Variants in CSGALNACT1 observed in about 807,000 individuals in gnomAD.
CSGALNACT1 encodes the protein beta4GalNAcT-1.
A neutral mutation model predicts 51.0 loss-of-function variants in CSGALNACT1; 52 were observed. The ratio of observed to expected loss-of-function variants is 1.02; its 90% CI spans 0.82 to 1.29. The LOEUF is 1.29. CSGALNACT1 is among the 50% of genes most tolerant of loss of function. The pLI is 0.00. For missense variants in CSGALNACT1, 935 were observed against 679.2 expected, an observed-to-expected ratio of 1.38 and a Z score of -4.19; for synonymous variants, 341 against 254.4, an observed-to-expected ratio of 1.34 and a Z score of -3.24.
At chr8:19,752,337 G>C (rs1380692263) in intron 1 of CSGALNACT1, among the ~76,000 whole-genome samples, 1 of 151,996 alleles carries the variant, frequency 6.6e-6, no homozygotes, top group Non-Finnish European at 1.5e-5. Context: ...TGCCCTGCAG[G>C]AACTTCAGCC....
chr8:19,713,942 C>T (rs1298207016), intron 1 of CSGALNACT1, among the ~76,000 whole-genome samples: 3 of 152,206 alleles, frequency 2.0e-5, no homozygotes. Flanking sequence ...TTAGGAAATG[C>T]CTTTCTCTGA....
chr8:19,461,234 T>C (rs996590509), intron 4 of CSGALNACT1, among the ~76,000 whole-genome samples: 1 of 152,238 alleles, frequency 6.6e-6, no homozygotes, highest in Non-Finnish European at 1.5e-5. Context: ...AGGACTTCTT[T>C]GAAAACGTTA....
chr8:19,483,253 C>T lies in CSGALNACT1; in HGVS notation c.634+21948G>A, dbSNP rs561404253. On this transcript the variant is annotated intron_variant, in intron 4 of 9. Transcript: ENST00000454498. The stretch of plus-strand genomic sequence containing the variant: ...CAAAGCAATATTTCTAAATATAATT[C>T]TAATAATGTCACCCTTCTGTTTAAG... 1.2e-4 allele frequency among the ~76,000 whole-genome samples: 19 copies of T among 152,296 alleles called. No individual in the cohort carries two copies. In the South Asian group the frequency reaches 3.9e-3, roughly 32 times the overall value.
intron 1 of CSGALNACT1, among the ~76,000 whole-genome samples, chr8:19,658,829 C>G (rs1379536332): frequency 1.3e-5 from 2 of 152,202 alleles, no homozygotes; most frequent in African/African-American, 4.8e-5. Flanking sequence ...CAAGCTTCAA[C>G]TACTTTAAGG....
intron 3 of CSGALNACT1, among the ~76,000 whole-genome samples, chr8:19,541,246 ATTTTTTT>A (rs34749639): frequency 5.4e-5 from 6 of 111,298 alleles, no homozygotes; most frequent in African/African-American, 3.7e-5. Context: ...AACTTGGCTA[ATTTTTTT>A]TTTTTTTTTT....
chr8:19,584,379 C>A (rs751197471), intron 3 of CSGALNACT1, among the ~76,000 whole-genome samples: 2 of 151,920 alleles, frequency 1.3e-5, no homozygotes, highest in Non-Finnish European at 2.9e-5. Context: ...ATTAGAATGT[C>A]AAACTGGGCT....
chr8:19,432,819 T>C (rs1341710949), intron 6 of CSGALNACT1, among the ~76,000 whole-genome samples: 1 of 152,194 alleles, frequency 6.6e-6, no homozygotes, highest in Non-Finnish European at 1.5e-5. Context: ...CTGTATTTAG[T>C]ATAGCATGTT....
At chr8:19,550,716 G>A (rs1347511754) in intron 3 of CSGALNACT1, among the ~76,000 whole-genome samples, 1 of 151,952 alleles carries the variant, frequency 6.6e-6, no homozygotes, top group Non-Finnish European at 1.5e-5. Flanking sequence ...GGGGGGCAGG[G>A]GCCTTCAAAT....
chr8:19,430,869 T>G (rs2059554343), intron 6 of CSGALNACT1, among the ~76,000 whole-genome samples: 1 of 152,190 alleles, frequency 6.6e-6, no homozygotes, highest in Non-Finnish European at 1.5e-5. Flanking sequence ...CAAAGTTGTG[T>G]TGTAGTTTTC....
intron 3 of CSGALNACT1, among the ~76,000 whole-genome samples, chr8:19,514,475 C>CTATATATATATATATATATATATA (rs33928915): frequency 1.5e-4 from 12 of 78,804 alleles, no homozygotes; most frequent in African/African-American, 1.8e-4. Flanking sequence ...TGAACAGAGA[C>CTATATATATATATATATATATATA]TATATATATA....
At chr8:19,487,866 G>T (rs1158068289) in intron 4 of CSGALNACT1, among the ~76,000 whole-genome samples, 1 of 152,022 alleles carries the variant, frequency 6.6e-6, no homozygotes, top group Non-Finnish European at 1.5e-5. Flanking sequence ...GCAGCCCAAA[G>T]AATGAACTGA....
chr8:19,687,474 G>A (rs1489899990), upstream of CSGALNACT1, among the ~76,000 whole-genome samples: 1 of 152,052 alleles, frequency 6.6e-6, no homozygotes, highest in African/African-American at 2.4e-5. Flanking sequence ...CAGATGTGAT[G>A]CAAATTACTA....
At chr8:19,680,578 CCA>C (rs1339762819) in intron 1 of CSGALNACT1, among the ~76,000 whole-genome samples, 1 of 111,306 alleles carries the variant, frequency 9.0e-6, no homozygotes, top group African/African-American at 3.2e-5. Flanking sequence ...CCCCCCCCCC[CCA>C]CAAAAAAAGA....
intron 3 of CSGALNACT1, among the ~76,000 whole-genome samples, chr8:19,578,271 A>G (rs765686701): frequency 6.6e-6 from 1 of 152,196 alleles, no homozygotes; most frequent in Non-Finnish European, 1.5e-5. Flanking sequence ...CAGCCCTATT[A>G]TGTGAGCTAG....
intron 1 of CSGALNACT1, among the ~76,000 whole-genome samples, chr8:19,715,756 A>G (rs1234750757): frequency 1.3e-5 from 2 of 152,004 alleles, no homozygotes; most frequent in Non-Finnish European, 2.9e-5. Context: ...CTAGGTGTCT[A>G]GTGTAAGGGT....
At chr8:19,647,475 A>C (rs537921977) in intron 1 of CSGALNACT1, among the ~76,000 whole-genome samples, 181 of 152,296 alleles carry the variant, frequency 1.2e-3, no homozygotes, top group African/African-American at 3.6e-3. Context: ...GTATCTTGGC[A>C]TGTTATTTTT....
intron 1 of CSGALNACT1, among the ~76,000 whole-genome samples, chr8:19,644,709 C>CAAAAA (rs756025465): frequency 4.5e-4 from 10 of 22,270 alleles, no homozygotes; most frequent in African/African-American, 1.0e-3. Flanking sequence ...GACTCCGTCT[C>CAAAAA]AAAAAAAAAA....
intron 3 of CSGALNACT1, among the ~76,000 whole-genome samples, chr8:19,572,509 A>G (rs1421750583): frequency 6.6e-6 from 1 of 152,198 alleles, no homozygotes; most frequent in East Asian, 1.9e-4. Context: ...TTACGTACCA[A>G]TGAAGGGAAA....
At chr8:19,541,242 G>A (rs113937608) in intron 3 of CSGALNACT1, among the ~76,000 whole-genome samples, 84 of 143,026 alleles carry the variant, frequency 5.9e-4, no homozygotes, top group Middle Eastern at 3.6e-3. Context: ...ACCAAACTTG[G>A]CTAATTTTTT....
Sources: gnomAD v4.1 joint callset for allele counts (sites outside exome capture counted in the v4.1 genomes callset) on GRCh38, gnomAD v4.1.1 for gene constraint, MANE v1.5 for transcripts, NCBI Gene and HGNC (gene_info 2026-07-23, HGNC 2026-07-21) for gene names.